CASP6: variants seen among roughly 807,000 people sequenced by gnomAD.
CASP6 encodes the protein caspase-6.
A neutral mutation model predicts 31.8 loss-of-function variants in CASP6; 20 were observed. The ratio of observed to expected loss-of-function variants is 0.63; its 90% CI spans 0.44 to 0.91. The LOEUF (loss-of-function observed/expected upper bound fraction) is 0.91, where lower values mean the gene tolerates loss of function less well. CASP6 is among the 40% of genes least tolerant of loss of function. The pLI, the probability that CASP6 is intolerant of heterozygous loss-of-function variation, is 0.00. For synonymous variants in CASP6, 130 were observed against 127.8 expected (o/e 1.02, Z -0.12); for missense variants, 328 against 361.1 (o/e 0.91, Z 0.74).
the CASP6 span, among the ~76,000 whole-genome samples, chr4:109,670,377 T>C: frequency 6.6e-6 from 1 of 152,162 alleles, no homozygotes; most frequent in African/African-American, 2.4e-5. Flanking sequence ...TCCCAATCGG[T>C]TAGGCTCTGG....
chr4:109,668,252 C>T, the CASP6 span, among the ~76,000 whole-genome samples: 1 of 152,076 alleles, frequency 6.6e-6, no homozygotes, highest in African/African-American at 2.4e-5. Flanking sequence ...TAACTGTAAA[C>T]ATGAATTCAT....
At position 109,694,586 on chromosome 4, in the gene CASP6, C is replaced by G; in HGVS notation, c.422G>C (p.Gly141Ala). ...DAKIEIQTLT[G>A]LFKGDKCHSL... The stretch of plus-strand genomic sequence containing the variant: ...GTGACACTTGTCTCCTTTGAACAAG[C>G]CAGTTAATGTCTGAATTTCGATTTT... The change falls in exon 5 of 7, where the codon GGC becomes GCC. Residue 141 changes from glycine (G) to alanine (A), a missense_variant. Transcript: ENST00000265164. The G allele has an allele frequency of 6.2e-7, 1 of 1,611,494 alleles. No homozygotes were observed. Among genetic ancestry groups the G allele is most frequent in the Non-Finnish European group, 8.5e-7 (1 of 1,178,794 alleles).
At chr4:109,672,045 A>G in the CASP6 span, among the ~76,000 whole-genome samples, 1 of 152,070 alleles carries the variant, frequency 6.6e-6, no homozygotes, top group East Asian at 1.9e-4. Flanking sequence ...TAAGATATTG[A>G]GGAGAGGAAT....
intron 5 of CASP6, among the ~76,000 whole-genome samples, chr4:109,693,025 G>T (rs1013770525): frequency 5.3e-5 from 8 of 152,184 alleles, no homozygotes; most frequent in African/African-American, 1.9e-4. Context: ...GAATGGTTTA[G>T]CATCATCCTC....
downstream of CASP6, chr4:109,688,529 T>C (rs1353204933): frequency 1.3e-5 from 2 of 152,352 alleles, no homozygotes; most frequent in Admixed American, 6.5e-5. Context: ...TGGTAATTCA[T>C]ATGTAGATGA....
chr4:109,683,541 A>G, the CASP6 span, among the ~76,000 whole-genome samples: 8 of 152,192 alleles, frequency 5.3e-5, no homozygotes, highest in Admixed American at 6.5e-5. Context: ...TATTCTCCAC[A>G]CTTATGAATC....
downstream of CASP6, among the ~76,000 whole-genome samples, chr4:109,685,537 C>A (rs1320512136): frequency 6.6e-6 from 1 of 152,082 alleles, no homozygotes; most frequent in Admixed American, 6.5e-5. Context: ...TTTCATATCC[C>A]AGTTTTACTC....
chr4:109,700,422 C>A (rs527507307), intron 1 of CASP6, among the ~76,000 whole-genome samples: 1 of 152,202 alleles, frequency 6.6e-6, no homozygotes, highest in Admixed American at 6.5e-5. Context: ...CCTGGAAGGC[C>A]AAGGCAGGAG....
At chr4:109,676,054 G>A in the CASP6 span, among the ~76,000 whole-genome samples, 3 of 152,184 alleles carry the variant, frequency 2.0e-5, no homozygotes, top group African/African-American at 7.2e-5. Flanking sequence ...CTGAAAAGGT[G>A]GAAGTGGCTT....
At chr4:109,678,608 G>C in the CASP6 span, among the ~76,000 whole-genome samples, 1 of 142,526 alleles carries the variant, frequency 7.0e-6, no homozygotes, top group Admixed American at 6.9e-5. Context: ...CCAGGCAGAG[G>C]CACTCCTCAC....
chr4:109,669,420 C>G, the CASP6 span, among the ~76,000 whole-genome samples: 2 of 151,974 alleles, frequency 1.3e-5, no homozygotes, highest in Admixed American at 1.3e-4. Context: ...AGGGTTCCCC[C>G]CTTCCCTGGC....
chr4:109,667,162 A>C, the CASP6 span, among the ~76,000 whole-genome samples: 1 of 152,042 alleles, frequency 6.6e-6, no homozygotes, highest in African/African-American at 2.4e-5. Context: ...TAGATAATTA[A>C]TATAGTTTCT....
chr4:109,686,232 G>T (rs1050600374), downstream of CASP6, among the ~76,000 whole-genome samples: 8 of 152,122 alleles, frequency 5.3e-5, no homozygotes, highest in African/African-American at 1.7e-4. Context: ...CCGCCTCCTG[G>T]GTTCAAGTGA....
chr4:109,687,896 C>CTTAG (rs1020551276), downstream of CASP6: 2 of 245,918 alleles, frequency 8.1e-6, no homozygotes, highest in African/African-American at 4.5e-5. Flanking sequence ...GCTTGGCATT[C>CTTAG]ACTTCCATTC....
intron 1 of CASP6, 49 bp downstream of exon 1, chr4:109,703,307 G>T: frequency 6.3e-7 from 1 of 1,579,598 alleles, no homozygotes; most frequent in Non-Finnish European, 8.6e-7. Context: ...CCCTCCAGCC[G>T]GAGCAAGACG....
At chr4:109,693,201 G>C (rs945317100) in intron 5 of CASP6, among the ~76,000 whole-genome samples, 1 of 152,198 alleles carries the variant, frequency 6.6e-6, no homozygotes, top group Non-Finnish European at 1.5e-5. Flanking sequence ...ACCAGAAGCA[G>C]ATGCCAGCAC....
At chr4:109,682,871 G>GT in the CASP6 span, 28 of 634,978 alleles carry the variant, frequency 4.4e-5, no homozygotes, top group Middle Eastern at 7.9e-4. Context: ...CAAAAAACCT[G>GT]TAAGTTCAGT....
chr4:109,682,764 G>A, the CASP6 span: 1 of 1,585,556 alleles, frequency 6.3e-7, no homozygotes, highest in Non-Finnish European at 8.6e-7. Flanking sequence ...TCACGGTTGA[G>A]TATATTTGAA....
At chr4:109,692,831 ATTC>A (rs2036643059) in intron 5 of CASP6, 1 of 152,274 alleles carries the variant, frequency 6.6e-6, no homozygotes, top group Non-Finnish European at 1.5e-5. Context: ...CGAGGCAGTC[ATTC>A]TTCACTTACA....
Sources: allele counts gnomAD v4.1 joint callset (sites outside exome capture counted in the v4.1 genomes callset), GRCh38; gene constraint gnomAD v4.1.1; transcripts MANE v1.5; gene names NCBI Gene and HGNC (gene_info 2026-07-23, HGNC 2026-07-21).